Variants in TMEM210 observed in about 807,000 individuals in gnomAD.
The protein encoded by TMEM210 is transmembrane protein 210.
In TMEM210, 7 loss-of-function variants were observed where a neutral mutation model predicts 10.3. The observed-to-expected ratio is 0.68, with a 90% CI of 0.39 to 1.28. The LOEUF (loss-of-function observed/expected upper bound fraction) is 1.28. Among genes scored for constraint, TMEM210 ranks in the 50% most tolerant of loss-of-function variants. The pLI is 0.01. For missense variants in TMEM210, 185 were observed against 197.8 expected (o/e 0.94, Z 0.39); for synonymous variants, 79 against 81.2 (o/e 0.97, Z 0.14).
At position 137,171,791 on chromosome 9, in the gene TMEM210, C is replaced by T. The variant is rs751323692; in HGVS notation, c.89-15G>A. 3.9e-6 allele frequency: 6 copies of T among 1,521,360 alleles called. No homozygotes were observed. In the South Asian group the frequency reaches 7.3e-5, roughly 19 times the overall value. 94.2% of individuals were successfully genotyped at this position (1,521,360 alleles called of 1,614,324 possible). ...GTAGGTTCCAGCTGCAGAGACAGGGCCACATGGCCATGGGCCGGTCACCTG... is the reference window on the plus strand; with the variant it reads ...GTAGGTTCCAGCTGCAGAGACAGGGTCACATGGCCATGGGCCGGTCACCTG... On this transcript the variant is annotated splice_polypyrimidine_tract_variant and intron_variant, in intron 1 of 3. Transcript: ENST00000413619.
rs184384098 is a variant in TMEM210, at chr9:137,171,119, G to A, written c.300C>T (p.His100=). ...TTAGCTGGGACTCCACGTAAACCGG[G>A]TGCAGGTCCATGAGATCTTCCTGGA... ...FGVQEDLMDL[H]PVYVESQLMD... Residue 100 remains histidine (H), a synonymous_variant, in exon 4 of 4, where the codon CAC becomes CAT. Coordinates refer to ENST00000413619, the MANE Select transcript of TMEM210 (RefSeq NM_001282477.2). The A allele has an allele frequency of 1.3e-6, 2 of 1,535,382 alleles. No individual in the cohort carries two copies. Among genetic ancestry groups the A allele is most frequent in the East Asian group, 2.4e-5 (1 of 40,924 alleles).
chr9:137,171,414 C>T lies in TMEM210; in HGVS notation c.254G>A (p.Arg85Lys), dbSNP rs1834104790. 5 of 1,535,598 alleles carry T rather than the reference C, an allele frequency of 3.3e-6. No homozygotes were observed. The highest frequency in any genetic ancestry group is 4.4e-6 in the Non-Finnish European group (5 of 1,146,638). The change falls in exon 3 of 4, where the codon AGG becomes AAG. Residue 85 changes from arginine to lysine, a missense_variant and splice_region_variant. Coordinates refer to ENST00000413619, the MANE Select transcript of TMEM210 (RefSeq NM_001282477.2). The part of the protein sequence containing the change: ...GETCPRQVDN[R>K]LVENFGVQED... ...CCTCGAGGGCCTCCCTGGTGCTCAC[C>T]TGTTGTCCACTTGTCTCGGGCATGT...
Position 137,171,985 on chromosome 9 carries a change from G to T in TMEM210, c.43C>A (p.Pro15Thr). The change falls in exon 1 of 4, where the codon CCC becomes ACC. Residue 15 changes from proline to threonine, a missense_variant. Physicochemically the swap from Pro to Thr is conservative, Grantham distance 38. Transcript: ENST00000413619. ...AGGGACAAATATGTGAGGCCCAAGG[G>T]GCCACCACGCAGGCAGGACACAGGC... is the stretch of plus-strand genomic sequence containing the variant. ...PWPVSCLRGG[P>T]LGLTYLSLLL... 1 of 1,419,564 alleles carries T rather than the reference G, an allele frequency of 7.0e-7. No homozygotes were observed. Among genetic ancestry groups the T allele is most frequent in the Non-Finnish European group, 9.2e-7 (1 of 1,090,764 alleles). The allele number at this position is 1,419,564 out of a possible 1,614,324, so 87.9% of individuals were successfully genotyped here.
chr9:137,171,181 G>A lies in TMEM210; in HGVS notation c.255-17C>T. ...TCCACCAACCTGCATGACGGGCCGGGTCATCACGAGCTGGTAGAGTCCTTG... is the reference window on the plus strand; with the variant it reads ...TCCACCAACCTGCATGACGGGCCGGATCATCACGAGCTGGTAGAGTCCTTG... On this transcript the variant is annotated splice_polypyrimidine_tract_variant and intron_variant, in intron 3 of 3. Transcript: ENST00000413619. 1 of 1,532,374 alleles carries A rather than the reference G, an allele frequency of 6.5e-7. No individual in the cohort carries two copies. The highest frequency in any genetic ancestry group is 8.7e-7 in the Non-Finnish European group (1 of 1,144,614). The allele number at this position is 1,532,374 out of a possible 1,614,324, so 94.9% of individuals were successfully genotyped here. A position where few individuals can be genotyped will look rare whatever the true frequency, so the allele number is the denominator to read the frequency against.
rs1322303349 is a variant in TMEM210 at position 137,171,632 on chromosome 9, T to C, written c.224+9A>G. On this transcript the variant is annotated intron_variant, in intron 2 of 3. Coordinates refer to ENST00000413619, the MANE Select transcript of TMEM210 (RefSeq NM_001282477.2). ...CTCCCATCCTCTCCCGGCCCCAGGG[T>C]TCACGCACCCCTTGGCCCGCAAGAC... The C allele has an allele frequency of 6.5e-7, 1 of 1,530,222 alleles. No individual in the cohort carries two copies. The highest frequency in any genetic ancestry group is 1.4e-5 in the African/African-American group (1 of 72,460). 94.8% of individuals were successfully genotyped at this position (1,530,222 alleles called of 1,614,324 possible). A position where few individuals can be genotyped will look rare whatever the true frequency, so the allele number is the denominator to read the frequency against.
intron 1 of TMEM210, 40 bp from the exon 2 acceptor site, chr9:137,171,816 G>A (rs1191362305): frequency 4.7e-5 from 70 of 1,482,274 alleles, no homozygotes; most frequent in Non-Finnish European, 5.6e-5. Flanking sequence ...CCGGTCACCT[G>A]CCTGCAGAGG....
chr9:137,171,827 GCCC>G lies in TMEM210; in HGVS notation c.89-54_89-52del, dbSNP rs530555203. On this transcript the variant is annotated intron_variant, in intron 1 of 3. Transcript: ENST00000413619. ...TGGGCCGGTCACCTGCCTGCAGAGG[GCCC>G]CCAAGTCTGCCCCTGCCCTGGTAGC... 588 of 1,475,006 alleles carry G rather than the reference GCCC, an allele frequency of 4.0e-4. 8 individuals are homozygous for G. The South Asian group carries it at 7.3e-3, about 18-fold the overall frequency. 91.4% of individuals were successfully genotyped at this position (1,475,006 alleles called of 1,614,324 possible).
rs1449212289 is a variant in TMEM210, at chr9:137,171,432, G to A, written c.236C>T (p.Pro79Leu). The A allele has an allele frequency of 1.6e-5, 24 of 1,535,454 alleles. No individual in the cohort carries two copies. Among genetic ancestry groups the A allele is most frequent in the East Asian group, 4.9e-5 (2 of 40,910 alleles). ...TGCTCACCTGTTGTCCACTTGTCTC[G>A]GGCATGTTTCACTGAGGGGACGAAG... ...GVLRAKGETC[P>L]RQVDNRLVEN... is the part of the protein sequence containing the mutation. The change falls in exon 3 of 4, where the codon CCG becomes CTG. Residue 79 changes from proline (P) to leucine (L), a missense_variant. Coordinates refer to ENST00000413619, the MANE Select transcript of TMEM210 (RefSeq NM_001282477.2).
intron 3 of TMEM210, 119 bp downstream of exon 3, chr9:137,171,294 AC>A (rs1834102068): frequency 6.7e-6 from 10 of 1,490,486 alleles, no homozygotes; most frequent in Non-Finnish European, 9.0e-6. Flanking sequence ...CAGGGACAGC[AC>A]CCCTCCTCCT....
At position 137,170,922 on chromosome 9, in the gene TMEM210, T is replaced by G. The variant is rs1834093782; in HGVS notation, c.*53A>C. ...TCAGGAGGGCCTGCAGGGAGGACAG[T>G]GCACAGCCACTAAATACGCTTTAAT... is the stretch of plus-strand genomic sequence containing the variant. On this transcript the variant is annotated 3_prime_UTR_variant, in exon 4 of 4. Transcript: ENST00000413619. 1 of 1,500,210 alleles carries G rather than the reference T, an allele frequency of 6.7e-7. No homozygotes were observed. The highest frequency in any genetic ancestry group is 8.9e-7 in the Non-Finnish European group (1 of 1,125,206). The allele number at this position is 1,500,210 out of a possible 1,614,324, so 92.9% of individuals were successfully genotyped here.
In TMEM210 at chr9:137,171,669, C is replaced by T. The variant is rs758449537; in HGVS notation, c.196G>A (p.Val66Met). The T allele has an allele frequency of 8.3e-5, 128 of 1,535,318 alleles. No homozygotes were observed. Among genetic ancestry groups the T allele is most frequent in the Non-Finnish European group, 1.1e-4 (121 of 1,146,438 alleles). ...TTGGCCCGCAAGACACCAATTGCCA[C>T]GATGACGAGGGCACAGAAGCAGCTG... ...SASCFCALVIVAIGVLRAKGE... is the reference protein window; with the variant it reads ...SASCFCALVIMAIGVLRAKGE... Residue 66 changes from valine (V) to methionine (M), a missense_variant, in exon 2 of 4, where the codon GTG becomes ATG. Coordinates refer to ENST00000413619, the MANE Select transcript of TMEM210 (RefSeq NM_001282477.2).
Position 137,170,903 on chromosome 9 carries a change from G to A in TMEM210, c.*72C>T. ...TCCCCTCCCCCAGCTGCCCTCAGGA[G>A]GGCCTGCAGGGAGGACAGTGCACAG... is the stretch of plus-strand genomic sequence containing the variant. On this transcript the variant is annotated 3_prime_UTR_variant, in exon 4 of 4. Transcript: ENST00000413619. 1.4e-6 allele frequency: 2 copies of A among 1,423,972 alleles called. No individual in the cohort carries two copies. The highest frequency in any genetic ancestry group is 1.4e-5 in the African/African-American group (1 of 70,016). The allele number at this position is 1,423,972 out of a possible 1,614,324, so 88.2% of individuals were successfully genotyped here. A position where few individuals can be genotyped will look rare whatever the true frequency, so the allele number is the denominator to read the frequency against.
chr9:137,171,287 G>A, intron 3 of TMEM210, 123 bp from the exon 4 acceptor site: 2 of 1,485,190 alleles, frequency 1.3e-6, no homozygotes, highest in Non-Finnish European at 1.8e-6. Context: ...CCTCTTCCAG[G>A]GACAGCACCC....
chr9:137,171,500 C>T, intron 2 of TMEM210, 57 bp from the exon 3 acceptor site: 1 of 1,535,422 alleles, frequency 6.5e-7, no homozygotes, highest in Non-Finnish European at 8.7e-7. Flanking sequence ...CCGGAGCTCC[C>T]CCAGCACACG....
chr9:137,171,089 G>A lies in TMEM210; in HGVS notation c.330C>T (p.Asp110=), dbSNP rs772373912. The A allele has an allele frequency of 3.8e-5, 58 of 1,535,296 alleles. No individual in the cohort carries two copies. The highest frequency in any genetic ancestry group is 4.1e-5 in the African/African-American group (3 of 72,972). Reference sequence around the variant, plus strand: ...GCACCAGGGAGACCTCCAGGTCAGCGTCCATTAGCTGGGACTCCACGTAAA... The same window carrying A: ...GCACCAGGGAGACCTCCAGGTCAGCATCCATTAGCTGGGACTCCACGTAAA... ...HPVYVESQLM[D]ADLEVSLVPP... is the part of the protein sequence containing the mutation. Residue 110 remains aspartate, a synonymous_variant, in exon 4 of 4, where the codon GAC becomes GAT. Coordinates refer to ENST00000413619, the MANE Select transcript of TMEM210 (RefSeq NM_001282477.2).
At position 137,171,778 on chromosome 9, in the gene TMEM210, T is replaced by C; in HGVS notation, c.89-2A>G. 6.5e-7 allele frequency: 1 copy of C among 1,528,128 alleles called. No individual in the cohort carries two copies. The highest frequency in any genetic ancestry group is 1.2e-5 in the South Asian group (1 of 83,210). The allele number at this position is 1,528,128 out of a possible 1,614,324, so 94.7% of individuals were successfully genotyped here. ...GGCTGCATTCACAGTAGGTTCCAGCTGCAGAGACAGGGCCACATGGCCATG... is the reference window on the plus strand; with the variant it reads ...GGCTGCATTCACAGTAGGTTCCAGCCGCAGAGACAGGGCCACATGGCCATG... On this transcript the variant is annotated splice_acceptor_variant, in intron 1 of 3. Transcript: ENST00000413619. LOFTEE classifies it high-confidence loss of function.
chr9:137,170,910 C>A lies in TMEM210; in HGVS notation c.*65G>T. ...CCCCAGCTGCCCTCAGGAGGGCCTG[C>A]AGGGAGGACAGTGCACAGCCACTAA... On this transcript the variant is annotated 3_prime_UTR_variant, in exon 4 of 4. Transcript: ENST00000413619. 6.9e-7 allele frequency: 1 copy of A among 1,457,464 alleles called. No homozygotes were observed. Among genetic ancestry groups the A allele is most frequent in the Non-Finnish European group, 9.1e-7 (1 of 1,096,992 alleles). The allele number at this position is 1,457,464 out of a possible 1,614,324, so 90.3% of individuals were successfully genotyped here. A position where few individuals can be genotyped will look rare whatever the true frequency, so the allele number is the denominator to read the frequency against.
intron 1 of TMEM210, 51 bp downstream of exon 1, chr9:137,171,889 G>C: frequency 7.0e-7 from 1 of 1,434,144 alleles, no homozygotes; most frequent in Non-Finnish European, 9.1e-7. Context: ...CACCTTGCCT[G>C]GGGAAGGGGA....
intron 3 of TMEM210, 79 bp from the exon 4 acceptor site, chr9:137,171,243 C>G: frequency 6.7e-7 from 1 of 1,487,338 alleles, no homozygotes. Flanking sequence ...GACAGTGCAC[C>G]CCCACAAAGG....
Sources: gnomAD v4.1 joint callset for allele counts on GRCh38, gnomAD v4.1.1 for gene constraint, MANE v1.5 for transcripts, NCBI Gene and HGNC (gene_info 2026-07-23, HGNC 2026-07-21) for gene names.